CSPP1: variants seen among roughly 807,000 people sequenced by gnomAD.
CSPP1 encodes centrosome and spindle pole-associated protein 1.
A neutral mutation model predicts 164.4 loss-of-function variants in CSPP1; 126 were observed. The ratio of observed to expected loss-of-function variants is 0.77; its 90% CI spans 0.66 to 0.89. The LOEUF is 0.89. Among genes scored for constraint, CSPP1 ranks in the 40% least tolerant of loss-of-function variants. The pLI, the probability that CSPP1 is intolerant of heterozygous loss-of-function variation, is 0.00. For missense variants in CSPP1, 1,395 were observed against 1,449.8 expected, an observed-to-expected ratio of 0.96 and a Z score of 0.61; for synonymous variants, 472 against 476.7, an observed-to-expected ratio of 0.99 and a Z score of 0.13.
chr8:67,118,370 G>GT lies in CSPP1; in HGVS notation c.1618+2dup. 1 of 1,613,394 alleles carries GT rather than the reference G, an allele frequency of 6.2e-7. No individual in the cohort carries two copies. The highest frequency in any genetic ancestry group is 1.7e-4 in the Middle Eastern group (1 of 6,058). ...ACTTTCGATCCCAGTCTTGCTTATT[G>GT]TAAGTTATCTATAGGGTAAGCATTT... On this transcript the variant is annotated splice_donor_variant, in intron 14 of 30. Coordinates refer to ENST00000678616, the MANE Select transcript of CSPP1 (RefSeq NM_001382391.1). LOFTEE classifies it high-confidence loss of function.
At position 67,193,469 on chromosome 8, in the gene CSPP1, C is replaced by T. The variant is rs1301523790; in HGVS notation, c.3336C>T (p.Ser1112=). Residue 1112 remains serine, a synonymous_variant, in exon 30 of 31, where the codon AGC becomes AGT. Coordinates refer to ENST00000678616, the MANE Select transcript of CSPP1 (RefSeq NM_001382391.1). ...RNKWKGLDID[S]SRPNVAPDGL... ...GTTCTGTTTTCTAACTACAGGATAG[C>T]AGTCGTCCTAATGTAGCACCAGATG... 1 of 1,612,426 alleles carries T rather than the reference C, an allele frequency of 6.2e-7. No individual in the cohort carries two copies. Among genetic ancestry groups the T allele is most frequent in the South Asian group, 1.1e-5 (1 of 90,946 alleles).
chr8:67,178,089 T>C (rs1457455825), intron 27 of CSPP1, among the ~76,000 whole-genome samples: 3 of 152,238 alleles, frequency 2.0e-5, no homozygotes, highest in African/African-American at 7.2e-5. Context: ...ATAAGTTTTA[T>C]GTAAGTGTTT....
At chr8:67,090,100 T>G (rs1811308131) in intron 4 of CSPP1, among the ~76,000 whole-genome samples, 1 of 152,316 alleles carries the variant, frequency 6.6e-6, no homozygotes, top group East Asian at 1.9e-4. Context: ...GGGTTTTTCA[T>G]GCATTTATAA....
intron 9 of CSPP1, among the ~76,000 whole-genome samples, chr8:67,109,385 T>C (rs1156966783): frequency 6.6e-6 from 1 of 152,220 alleles, no homozygotes; most frequent in Non-Finnish European, 1.5e-5. Flanking sequence ...GCCCAGTCCT[T>C]CTTCTAAGGG....
intron 15 of CSPP1, among the ~76,000 whole-genome samples, chr8:67,129,095 A>C (rs1820692035): frequency 6.6e-6 from 1 of 152,218 alleles, no homozygotes; most frequent in Non-Finnish European, 1.5e-5. Context: ...ATAAAGAAGA[A>C]AGCTATATGA....
rs371071297 is a variant in CSPP1, at chr8:67,064,433, C to G, written c.-116C>G. 1 of 1,613,866 alleles carries G rather than the reference C, an allele frequency of 6.2e-7. No individual in the cohort carries two copies. The highest frequency in any genetic ancestry group is 8.5e-7 in the Non-Finnish European group (1 of 1,179,924). ...CCGCTCCAGGTGGCCGCTGTAACCT[C>G]TTCGGTCCGCGACGATCCTCTAGAG... On this transcript the variant is annotated 5_prime_UTR_variant, in exon 1 of 31. Coordinates refer to ENST00000678616, the MANE Select transcript of CSPP1 (RefSeq NM_001382391.1).
At chr8:67,132,457 G>A (rs1821425243) in intron 16 of CSPP1, among the ~76,000 whole-genome samples, 1 of 152,216 alleles carries the variant, frequency 6.6e-6, no homozygotes, top group African/African-American at 2.4e-5. Flanking sequence ...GTTATGGGCA[G>A]CTGAAGGAAG....
chr8:67,191,261 C>T (rs1364822652), intron 29 of CSPP1, among the ~76,000 whole-genome samples: 1 of 152,202 alleles, frequency 6.6e-6, no homozygotes, highest in African/African-American at 2.4e-5. Flanking sequence ...GCAATGTCAC[C>T]TCCTTGTTGA....
intron 1 of CSPP1, among the ~76,000 whole-genome samples, chr8:67,065,331 G>T (rs925495301): frequency 2.0e-5 from 3 of 152,130 alleles, no homozygotes; most frequent in Admixed American, 2.0e-4. Context: ...AGAGAGGCTA[G>T]CTCTCAAGAT....
intron 24 of CSPP1, among the ~76,000 whole-genome samples, chr8:67,171,991 G>A (rs1164796514): frequency 2.0e-5 from 3 of 151,872 alleles, no homozygotes; most frequent in Non-Finnish European, 4.4e-5. Context: ...GGGACTACAG[G>A]TGTGCGCCAT....
At position 67,065,644 on chromosome 8, in the gene CSPP1, T is replaced by C. The variant is rs1485424748; in HGVS notation, c.-11+1106T>C. ...CAAGGATCAAGTTTTTTTGTTTGTT[T>C]GTTTTGTTTTGTTTTTGGAGACAGG... On this transcript the variant is annotated intron_variant, in intron 1 of 30. Transcript: ENST00000678616. 8.9e-6 allele frequency: 3 copies of C among 335,216 alleles called. No individual in the cohort carries two copies. In the Admixed American group the frequency reaches 1.9e-4, roughly 22 times the overall value. 20.8% of individuals were successfully genotyped at this position (335,216 alleles called of 1,614,324 possible).
At chr8:67,183,668 A>G (rs1470036978) in intron 28 of CSPP1, among the ~76,000 whole-genome samples, 2 of 152,162 alleles carry the variant, frequency 1.3e-5, no homozygotes, top group Admixed American at 1.3e-4. Flanking sequence ...CTTTCTTTCT[A>G]CTTTCCTAAT....
chr8:67,164,397 A>T lies in CSPP1; in HGVS notation c.2717A>T (p.Lys906Ile), dbSNP rs1422254134. ...RKNQLRAEEE[K>I]KNVIMELSEM... ...TATCAATGGGAATTTGCAGAGGAGA[A>T]AAAAAATGTAATTATGGAATTATCA... The change falls in exon 24 of 31, where the codon AAA (lysine) becomes ATA (isoleucine). Residue 906 changes from lysine to isoleucine, a missense_variant. Lys to Ile is a moderately radical substitution (Grantham distance 102). Coordinates refer to ENST00000678616, the MANE Select transcript of CSPP1 (RefSeq NM_001382391.1). The T allele has an allele frequency of 6.5e-7, 1 of 1,549,624 alleles. No individual in the cohort carries two copies. Among genetic ancestry groups the T allele is most frequent in the Non-Finnish European group, 8.9e-7 (1 of 1,122,716 alleles).
intron 8 of CSPP1, among the ~76,000 whole-genome samples, chr8:67,105,192 A>G (rs1331809709): frequency 6.8e-6 from 1 of 147,840 alleles, no homozygotes; most frequent in Admixed American, 6.8e-5. Flanking sequence ...TGTCCAGCTA[A>G]TTTCTGTATT....
intron 3 of CSPP1, among the ~76,000 whole-genome samples, chr8:67,078,933 C>T (rs1002113314): frequency 6.6e-6 from 1 of 152,054 alleles, no homozygotes; most frequent in Admixed American, 6.6e-5. Flanking sequence ...GATCATGCCC[C>T]TGCACTCCAG....
chr8:67,160,452 G>A (rs1211238247), intron 21 of CSPP1, among the ~76,000 whole-genome samples: 4 of 145,916 alleles, frequency 2.7e-5, no homozygotes, highest in African/African-American at 5.1e-5. Flanking sequence ...GTGACAGAGC[G>A]AGACTCCATC....
chr8:67,187,433 C>T (rs1211800020), intron 28 of CSPP1, among the ~76,000 whole-genome samples: 1 of 152,048 alleles, frequency 6.6e-6, no homozygotes, highest in Non-Finnish European at 1.5e-5. Context: ...CAGTGGCTCA[C>T]ACCTGTAGTT....
chr8:67,089,858 TACTC>T (rs1434022444), intron 4 of CSPP1, among the ~76,000 whole-genome samples: 3 of 151,510 alleles, frequency 2.0e-5, no homozygotes, highest in African/African-American at 7.3e-5. Context: ...TTTTTTTAAA[TACTC>T]AAGCTGGTCT....
chr8:67,184,943 C>CAAAAAAAAAAA (rs796384901), intron 28 of CSPP1, among the ~76,000 whole-genome samples: 4 of 56,076 alleles, frequency 7.1e-5, no homozygotes, highest in Non-Finnish European at 8.1e-5. Flanking sequence ...ACTAAAAATA[C>CAAAAAAAAAAA]AAAAAAAAAA....
Sources: allele counts gnomAD v4.1 joint callset (sites outside exome capture counted in the v4.1 genomes callset), GRCh38; gene constraint gnomAD v4.1.1; transcripts MANE v1.5; gene names NCBI Gene and HGNC (gene_info 2026-07-23, HGNC 2026-07-21).